WDR19: variants seen among roughly 807,000 people sequenced by gnomAD.
The protein encoded by WDR19 is WD repeat domain 19.
WDR19 carries 121 observed loss-of-function variants against 180.0 expected under a neutral mutation model. That is an observed-to-expected ratio of 0.67 (90% CI 0.58 to 0.78). WDR19 has a LOEUF of 0.78. Among genes scored for constraint, WDR19 ranks in the 30% least tolerant of loss-of-function variants. The probability of loss-of-function intolerance (pLI) is 0.00; values close to 1 mark genes in which losing one functional copy is unlikely to be tolerated. For missense variants in WDR19, 1,450 were observed against 1,640.7 expected (o/e 0.88, Z 2.01); for synonymous variants, 497 against 540.7 (o/e 0.92, Z 1.12).
chr4:39,267,981 G>A lies in WDR19; in HGVS notation c.3262-14G>A. ...ATGAAGAAAGTAATGTTTCTATAAT[G>A]GTTTATGTGTCAGGATGCCAAGTAC... On this transcript the variant is annotated splice_polypyrimidine_tract_variant and intron_variant, in intron 29 of 36. Transcript: ENST00000399820. The A allele has an allele frequency of 6.3e-7, 1 of 1,588,170 alleles. No individual in the cohort carries two copies. Among genetic ancestry groups the A allele is most frequent in the Non-Finnish European group, 8.6e-7 (1 of 1,166,292 alleles).
At chr4:39,261,468 G>A (rs1266047122) in intron 28 of WDR19, among the ~76,000 whole-genome samples, 1 of 152,214 alleles carries the variant, frequency 6.6e-6, no homozygotes, top group African/African-American at 2.4e-5. Flanking sequence ...ATTGGAAGAA[G>A]AAGAAGACGA....
intron 32 of WDR19, 23 bp downstream of exon 32, chr4:39,273,084 C>T: frequency 1.3e-6 from 2 of 1,577,282 alleles, no homozygotes; most frequent in Admixed American, 3.6e-5. Flanking sequence ...GACCAGAGCT[C>T]TCACCCATGC....
chr4:39,256,774 C>T (rs913456855), intron 27 of WDR19, among the ~76,000 whole-genome samples: 1 of 152,150 alleles, frequency 6.6e-6, no homozygotes, highest in Admixed American at 6.5e-5. Flanking sequence ...ATGGAAGAGT[C>T]CCACACTCCT....
chr4:39,275,620 G>A (rs1653754890), intron 33 of WDR19, among the ~76,000 whole-genome samples: 1 of 152,168 alleles, frequency 6.6e-6, no homozygotes, highest in Non-Finnish European at 1.5e-5. Context: ...GTAGGGAAAT[G>A]AGAGGTCAAA....
chr4:39,215,721 A>T, intron 10 of WDR19, 120 bp from the exon 11 acceptor site: 1 of 1,082,890 alleles, frequency 9.2e-7, no homozygotes, highest in Non-Finnish European at 1.3e-6. Flanking sequence ...AACTACTTAA[A>T]CTAGTAAGGA....
At chr4:39,224,347 C>T (rs1227018058) in intron 14 of WDR19, among the ~76,000 whole-genome samples, 3 of 151,958 alleles carry the variant, frequency 2.0e-5, no homozygotes, top group Non-Finnish European at 4.4e-5. Context: ...TGTTTAATCA[C>T]AGGTACAGTC....
At chr4:39,282,364 G>C (rs7654501) in intron 36 of WDR19, among the ~76,000 whole-genome samples, 76,802 of 151,968 alleles carry the variant, frequency 0.51, 20,792 homozygotes, top group African/African-American at 0.71. Context: ...CATTTATTTA[G>C]ATCTTTTTCA....
chr4:39,226,225 G>A lies in WDR19; in HGVS notation c.1629+1192G>A, dbSNP rs1002617381. Among the ~76,000 whole-genome samples the A allele has an allele frequency of 2.0e-5, 3 of 152,302 alleles. No homozygotes were observed. The East Asian group carries it at 5.8e-4, about 29-fold the overall frequency. The stretch of plus-strand genomic sequence containing the variant: ...ATAGGGTGTAGCTGCTAGGAAAAGG[G>A]TAAGGAGTAAGGTCAGCCTTAAACA... On this transcript the variant is annotated intron_variant, in intron 15 of 36. Transcript: ENST00000399820.
At chr4:39,237,033 A>G (rs1431234860) in intron 20 of WDR19, among the ~76,000 whole-genome samples, 4 of 152,240 alleles carry the variant, frequency 2.6e-5, no homozygotes, top group African/African-American at 9.6e-5. Context: ...AATTTTGTAC[A>G]TGTATGTGTA....
chr4:39,189,623 T>C, intron 3 of WDR19, 33 bp from the exon 4 acceptor site: 3 of 1,525,656 alleles, frequency 2.0e-6, no homozygotes, highest in Non-Finnish European at 2.6e-6. Flanking sequence ...TTTAAAAAAC[T>C]GTATAGTGGT....
chr4:39,244,609 G>T (rs190413634), intron 23 of WDR19, 57 bp downstream of exon 23: 1 of 1,597,988 alleles, frequency 6.3e-7, no homozygotes, highest in Admixed American at 1.7e-5. Flanking sequence ...GTGCCTCTGG[G>T]GTCTCCCCAC....
At chr4:39,188,632 AAAAGAAAAGAAAG>A (rs1251237678) in intron 3 of WDR19, among the ~76,000 whole-genome samples, 2 of 151,612 alleles carry the variant, frequency 1.3e-5, no homozygotes, top group Admixed American at 1.3e-4. Flanking sequence ...AAAAAAAAAA[AAAAGAAAAGAAAG>A]AAAGAAAAGA....
At chr4:39,279,700 CTTTTTTT>C (rs3068583) in intron 36 of WDR19, among the ~76,000 whole-genome samples, 1 of 100,096 alleles carries the variant, frequency 1.0e-5, no homozygotes, top group Non-Finnish European at 2.1e-5. Context: ...GTCTGCCTTA[CTTTTTTT>C]TTTTTTTTTT....
At chr4:39,274,136 T>G (rs1398505070) in intron 32 of WDR19, 2 of 152,226 alleles carry the variant, frequency 1.3e-5, no homozygotes, top group South Asian at 2.1e-4. Context: ...TTTCAACCAT[T>G]TAAAAATGTA....
In WDR19 at chr4:39,234,794, G is replaced by A; in HGVS notation, c.2282G>A (p.Ser761Asn). 6.3e-7 allele frequency: 1 copy of A among 1,582,750 alleles called. No individual in the cohort carries two copies. The highest frequency in any genetic ancestry group is 1.2e-5 in the South Asian group (1 of 86,206). ...EMRRDLQHWDSALQLAKHLAP... is the reference protein window; with the variant it reads ...EMRRDLQHWDNALQLAKHLAP... Reference sequence around the variant, plus strand: ...AGAAGGGATTTACAGCATTGGGACAGTGCTCTACAACTGGCAAAGCATTTG... The same window carrying A: ...AGAAGGGATTTACAGCATTGGGACAATGCTCTACAACTGGCAAAGCATTTG... Residue 761 changes from serine (S) to asparagine (N), a missense_variant, in exon 20 of 37, where the codon AGT becomes AAT. Transcript: ENST00000399820.
intron 33 of WDR19, chr4:39,275,349 A>G (rs1735796933): frequency 3.6e-6 from 1 of 275,558 alleles, no homozygotes; most frequent in African/African-American, 2.2e-5. Flanking sequence ...CAAAAAAAAA[A>G]AAAAAAAGAT....
chr4:39,235,267 T>C (rs1181890314), intron 20 of WDR19, among the ~76,000 whole-genome samples: 1 of 152,074 alleles, frequency 6.6e-6, no homozygotes, highest in East Asian at 1.9e-4. Flanking sequence ...GCTGGGACTA[T>C]AGGCATGCAC....
At chr4:39,274,728 A>G in intron 32 of WDR19, 80 bp from the exon 33 acceptor site, 3 of 1,505,170 alleles carry the variant, frequency 2.0e-6, no homozygotes, top group Non-Finnish European at 1.8e-6. Context: ...GTTTTCCTAC[A>G]GAACCAGGGT....
chr4:39,208,343 G>T, intron 9 of WDR19, among the ~76,000 whole-genome samples: 1 of 125,136 alleles, frequency 8.0e-6, no homozygotes. Flanking sequence ...GTCTCACTCT[G>T]TTGCCCAGGC....
Sources: allele counts gnomAD v4.1 joint callset (sites outside exome capture counted in the v4.1 genomes callset), GRCh38; gene constraint gnomAD v4.1.1; transcripts MANE v1.5; gene names NCBI Gene and HGNC (gene_info 2026-07-23, HGNC 2026-07-21).